Variants in AGAP1 observed in about 807,000 individuals in gnomAD.
The protein encoded by AGAP1 is ArfGAP with GTPase domain, ankyrin repeat and PH domain 1.
In AGAP1, 29 loss-of-function variants were observed where a neutral mutation model predicts 105.3. The ratio of observed to expected loss-of-function variants is 0.28; its 90% confidence interval spans 0.21 to 0.38. The LOEUF (loss-of-function observed/expected upper bound fraction) is 0.38, where lower values mean the gene tolerates loss of function less well. Among genes scored for constraint, AGAP1 ranks in the 10% least tolerant of loss-of-function variants. The probability of loss-of-function intolerance (pLI) is 1.00; values close to 1 mark genes in which losing one functional copy is unlikely to be tolerated. For synonymous variants in AGAP1, 509 were observed against 485.9 expected (o/e 1.05, Z -0.63); for missense variants, 998 against 1,165.1 (o/e 0.86, Z 2.09).
intron 9 of AGAP1, among the ~76,000 whole-genome samples, chr2:235,848,258 C>T (rs1229002952): frequency 1.3e-5 from 2 of 152,204 alleles, no homozygotes; most frequent in African/African-American, 2.4e-5. Flanking sequence ...TGCATCTGTC[C>T]GTCCACCTAT....
At position 235,690,741 on chromosome 2, in the gene AGAP1, G is replaced by A. The variant is rs1390218590; in HGVS notation, c.164-18438G>A. Among the ~76,000 whole-genome samples the A allele has an allele frequency of 6.6e-6, 1 of 152,082 alleles. No individual in the cohort carries two copies. The highest frequency in any genetic ancestry group is 1.5e-5 in the Non-Finnish European group (1 of 68,026). On this transcript the variant is annotated intron_variant, in intron 1 of 17. Coordinates refer to ENST00000304032, the MANE Select transcript of AGAP1 (RefSeq NM_001037131.3). The surrounding 1 kb of genome is among the most constrained non-coding windows in gnomAD (Gnocchi z 4.1). ...GGTAGACACCTGTCTGCTTGGGGCA[G>A]GTATACTGACTTTTTGTTGCTTTTA... is the stretch of plus-strand genomic sequence containing the variant.
At position 235,997,505 on chromosome 2, in the gene AGAP1, G is replaced by A. The variant is rs148202431; in HGVS notation, c.1645+28882G>A. On this transcript the variant is annotated intron_variant, in intron 13 of 17. Transcript: ENST00000304032. ...GGTTAGTGTTTGGTATTTTTGTAGC[G>A]CGGCCATACATTTTTGTGAGGCCTG... is the stretch of plus-strand genomic sequence containing the variant. Among the ~76,000 whole-genome samples the A allele has an allele frequency of 1.5e-3, 225 of 152,184 alleles. 1 individual carries two copies. The highest frequency in any genetic ancestry group is 5.3e-3 in the African/African-American group (219 of 41,536).
chr2:235,527,476 T>C (rs868270669), intron 1 of AGAP1, among the ~76,000 whole-genome samples: 6 of 152,268 alleles, frequency 3.9e-5, no homozygotes, highest in South Asian at 2.1e-4. Context: ...GTTCAGGTGA[T>C]CCCCCCACCA....
intron 1 of AGAP1, among the ~76,000 whole-genome samples, chr2:235,649,973 A>G (rs922754855): frequency 1.3e-5 from 2 of 152,220 alleles, no homozygotes; most frequent in South Asian, 2.1e-4. Flanking sequence ...AGGCAACACA[A>G]TTCAGTAAAT....
chr2:235,779,305 G>A lies in AGAP1; in HGVS notation c.674-18454G>A, dbSNP rs559951747. Among the ~76,000 whole-genome samples the A allele has an allele frequency of 4.6e-5, 7 of 152,238 alleles. No homozygotes were observed. In the South Asian group the frequency reaches 8.3e-4, roughly 18 times the overall value. On this transcript the variant is annotated intron_variant, in intron 6 of 17. Transcript: ENST00000304032. ...CAATTCACACAGTCTCCAACCTAAC[G>A]ATTTAGCTCTGCTTTTAAGACTGTG...
rs763582430 is a variant in AGAP1, at chr2:235,752,239, G to T, written c.673+1751G>T. On this transcript the variant is annotated intron_variant, in intron 6 of 17. Transcript: ENST00000304032. This position sits in a 1 kb window ranked among gnomAD's most constrained non-coding sequence, Gnocchi z 4.3. ...TTTGCCCAGGCTGGAGTGCAATGGC[G>T]TGATGGCAGCTCACTGCAACCTCTG... Among the ~76,000 whole-genome samples the T allele has an allele frequency of 6.6e-6, 1 of 152,128 alleles. No individual in the cohort carries two copies. The highest frequency in any genetic ancestry group is 6.6e-5 in the Admixed American group (1 of 15,258).
At chr2:235,538,149 G>GA (rs1943302648) in intron 1 of AGAP1, among the ~76,000 whole-genome samples, 1 of 152,168 alleles carries the variant, frequency 6.6e-6, no homozygotes, top group South Asian at 2.1e-4. Context: ...TTGCTGAAAA[G>GA]AAAATAGGGT....
Position 236,001,750 on chromosome 2 carries a change from T to C in AGAP1, c.1645+33127T>C, listed in dbSNP as rs932644392. On this transcript the variant is annotated intron_variant, in intron 13 of 17. Transcript: ENST00000304032. This position sits in a 1 kb window ranked among gnomAD's most constrained non-coding sequence, Gnocchi z 4.7. ...ATATTCTGGAATTTTACTTTTCTAA[T>C]TTAACACCCCGTGGGTCTCCAGTTC... 1.3e-5 allele frequency among the ~76,000 whole-genome samples: 2 copies of C among 152,220 alleles called. No individual in the cohort carries two copies. The highest frequency in any genetic ancestry group is 4.8e-5 in the African/African-American group (2 of 41,460).
At chr2:235,522,599 G>C (rs1310306339) in intron 1 of AGAP1, among the ~76,000 whole-genome samples, 5 of 152,146 alleles carry the variant, frequency 3.3e-5, no homozygotes, top group Non-Finnish European at 5.9e-5. Context: ...TGAGTGTTTG[G>C]ACAATACTGG....
In AGAP1 at chr2:235,609,976, C is replaced by T. The variant is rs778742345; in HGVS notation, c.164-99203C>T. 5.9e-5 allele frequency among the ~76,000 whole-genome samples: 9 copies of T among 152,022 alleles called. 1 individual carries two copies. In the South Asian group the frequency reaches 6.2e-4, roughly 11 times the overall value. On this transcript the variant is annotated intron_variant, in intron 1 of 17. Transcript: ENST00000304032. The surrounding 1 kb of genome is among the most constrained non-coding windows in gnomAD (Gnocchi z 5.1). ...TACCTGGTGTTTCCTTCCTCAGGGA[C>T]GGTTTGGCACTGGGCAACAGCTCCA...
chr2:235,641,030 C>T (rs562691443), intron 1 of AGAP1, among the ~76,000 whole-genome samples: 30 of 152,272 alleles, frequency 2.0e-4, no homozygotes, highest in South Asian at 1.9e-3. Context: ...TTGTAATGAC[C>T]GGCCTAATAC....
At chr2:235,498,158 G>C (rs572889221) in intron 1 of AGAP1, among the ~76,000 whole-genome samples, 1 of 152,138 alleles carries the variant, frequency 6.6e-6, no homozygotes, top group Non-Finnish European at 1.5e-5. Context: ...GCCCACCAAG[G>C]CTCCCAAATA....
At chr2:235,562,821 C>T (rs1944206168) in intron 1 of AGAP1, among the ~76,000 whole-genome samples, 1 of 152,064 alleles carries the variant, frequency 6.6e-6, no homozygotes, top group Non-Finnish European at 1.5e-5. Context: ...TTTTGGGAGA[C>T]TGAGGTGGGA....
In AGAP1 at chr2:235,931,459, A is replaced by G. The variant is rs1241171948; in HGVS notation, c.1483+536A>G. ...CATTATTATTATTATTATTATTTTG[A>G]CAAGTGTATCCAGCTTTTTGGGGAA... On this transcript the variant is annotated intron_variant, in intron 12 of 17. Coordinates refer to ENST00000304032, the MANE Select transcript of AGAP1 (RefSeq NM_001037131.3). This position sits in a 1 kb window ranked among gnomAD's most constrained non-coding sequence, Gnocchi z 5.6. Among the ~76,000 whole-genome samples, 1 of 151,814 alleles carries G rather than the reference A, an allele frequency of 6.6e-6. No homozygotes were observed. The highest frequency in any genetic ancestry group is 1.9e-4 in the East Asian group (1 of 5,130).
intron 1 of AGAP1, among the ~76,000 whole-genome samples, chr2:235,593,464 T>C (rs952350133): frequency 1.3e-5 from 2 of 152,256 alleles, no homozygotes; most frequent in African/African-American, 4.8e-5. Context: ...TGGTACTTTT[T>C]CCTGCTTGAT....
chr2:235,511,615 TACTC>T (rs1942113425), intron 1 of AGAP1, among the ~76,000 whole-genome samples: 1 of 152,202 alleles, frequency 6.6e-6, no homozygotes, highest in African/African-American at 2.4e-5. Flanking sequence ...CCAGGGAAAT[TACTC>T]ACTTGTTTTC....
intron 1 of AGAP1, chr2:235,670,732 G>C: frequency 1.2e-6 from 1 of 862,574 alleles, no homozygotes; most frequent in South Asian, 1.5e-5. Flanking sequence ...GCAACACCCT[G>C]GACGTGGGCG....
At position 235,930,604 on chromosome 2, in the gene AGAP1, AG is replaced by A. The variant is rs1041606712; in HGVS notation, c.1325-160del. Among the ~76,000 whole-genome samples the A allele has an allele frequency of 3.2e-4, 48 of 149,402 alleles. No homozygotes were observed. The highest frequency in any genetic ancestry group is 1.2e-3 in the African/African-American group (48 of 40,524). ...CGTCCCCCTTTTATTCCTCCCGAAT[AG>A]TTTCTGTCTGGCGCTTCCGTTTGCC... On this transcript the variant is annotated intron_variant, in intron 11 of 17. Coordinates refer to ENST00000304032, the MANE Select transcript of AGAP1 (RefSeq NM_001037131.3). The surrounding 1 kb of genome is among the most constrained non-coding windows in gnomAD (Gnocchi z 7.9).
rs2056120329 is a variant in AGAP1 at position 236,001,519 on chromosome 2, C to G, written c.1645+32896C>G. Among the ~76,000 whole-genome samples the G allele has an allele frequency of 6.6e-6, 1 of 152,056 alleles. No individual in the cohort carries two copies. Among genetic ancestry groups the G allele is most frequent in the South Asian group, 2.1e-4 (1 of 4,820 alleles). ...GTAGGCAGTGGTGACAGTGGCTTCC[C>G]CAGGCATCAGCGCCACAGGAGGAGA... On this transcript the variant is annotated intron_variant, in intron 13 of 17. Coordinates refer to ENST00000304032, the MANE Select transcript of AGAP1 (RefSeq NM_001037131.3). This position sits in a 1 kb window ranked among gnomAD's most constrained non-coding sequence, Gnocchi z 4.7.
Sources: gnomAD v4.1 joint callset for allele counts (sites outside exome capture counted in the v4.1 genomes callset) on GRCh38, gnomAD v4.1.1 for gene constraint, Gnocchi (gnomAD v3.1) non-coding constraint, MANE v1.5 for transcripts, NCBI Gene and HGNC (gene_info 2026-07-23, HGNC 2026-07-21) for gene names.